The following RPS6KA2 variants were observed in gnomAD, a reference collection of about 807,000 sequenced individuals.
RPS6KA2 encodes ribosomal protein S6 kinase alpha-2.
A neutral mutation model predicts 91.8 loss-of-function variants in RPS6KA2; 42 were observed. The ratio of observed to expected loss-of-function variants is 0.46; its 90% CI spans 0.36 to 0.59. The LOEUF (loss-of-function observed/expected upper bound fraction) is 0.59. RPS6KA2 is among the 20% of genes least tolerant of loss of function. The pLI, the probability that RPS6KA2 is intolerant of heterozygous loss-of-function variation, is 0.00. For synonymous variants in RPS6KA2, 414 were observed against 393.6 expected (o/e 1.05, Z -0.61); for missense variants, 798 against 978.5 (o/e 0.82, Z 2.46).
At chr6:166,645,078 A>G (rs1562360916) in intron 2 of RPS6KA2, among the ~76,000 whole-genome samples, 1 of 152,192 alleles carries the variant, frequency 6.6e-6, no homozygotes, top group Non-Finnish European at 1.5e-5. Flanking sequence ...CTGTGGGAGG[A>G]CAAGTTCCTA....
intron 1 of RPS6KA2, among the ~76,000 whole-genome samples, chr6:166,598,521 G>A (rs1785621636): frequency 1.3e-5 from 2 of 152,324 alleles, no homozygotes; most frequent in South Asian, 4.1e-4. Context: ...AATTCTGGAT[G>A]GAGAAGTTGG....
chr6:166,793,199 T>A (rs1779140246), intron 2 of RPS6KA2, among the ~76,000 whole-genome samples: 1 of 152,064 alleles, frequency 6.6e-6, no homozygotes, highest in South Asian at 2.1e-4. Context: ...AGCAGTCTTA[T>A]ACACCAATAA....
exon 2 of RPS6KA2, chr6:166,858,218 T>A (rs757845231): frequency 2.1e-5 from 32 of 1,541,526 alleles, no homozygotes; most frequent in Non-Finnish European, 2.7e-5. Flanking sequence ...CAGTGTCTTC[T>A]GTGGTGGGCT....
chr6:166,858,885 T>A (rs989332844), intron 1 of RPS6KA2, among the ~76,000 whole-genome samples: 2 of 152,124 alleles, frequency 1.3e-5, no homozygotes, highest in Admixed American at 6.5e-5. Context: ...TGCTTCTGCC[T>A]AGAGATGTGG....
At chr6:166,593,590 T>A (rs1035456204) in intron 1 of RPS6KA2, among the ~76,000 whole-genome samples, 1 of 152,200 alleles carries the variant, frequency 6.6e-6, no homozygotes, top group Non-Finnish European at 1.5e-5. Context: ...ATTTATAGAT[T>A]TGGTTACATT....
chr6:166,842,331 T>C (rs1317217093), intron 2 of RPS6KA2, among the ~76,000 whole-genome samples: 3 of 152,188 alleles, frequency 2.0e-5, no homozygotes, highest in Non-Finnish European at 2.9e-5. Flanking sequence ...TGATCCAATA[T>C]AACTGCGTTC....
intron 2 of RPS6KA2, among the ~76,000 whole-genome samples, chr6:166,773,365 ACTTTT>A (rs757597061): frequency 8.7e-5 from 13 of 149,878 alleles, no homozygotes; most frequent in Admixed American, 2.0e-4. Flanking sequence ...GAAGCAATCC[ACTTTT>A]CTTTTCTTTC....
intron 1 of RPS6KA2, among the ~76,000 whole-genome samples, chr6:166,580,094 G>T (rs1462416640): frequency 6.6e-6 from 1 of 152,184 alleles, no homozygotes; most frequent in Admixed American, 6.5e-5. Flanking sequence ...GTGGGCTTTG[G>T]GCCCCCGGGC....
chr6:166,784,827 A>G (rs887451221), intron 2 of RPS6KA2, among the ~76,000 whole-genome samples: 17 of 152,192 alleles, frequency 1.1e-4, no homozygotes, highest in African/African-American at 3.9e-4. Flanking sequence ...AGGACAGAGG[A>G]AGCATTCTAC....
intron 2 of RPS6KA2, among the ~76,000 whole-genome samples, chr6:166,649,756 G>A (rs77178838): frequency 0.11 from 17,180 of 152,116 alleles, 1,055 homozygotes; most frequent in South Asian, 0.17. Flanking sequence ...GACCCCGGGG[G>A]GTTTTCGTTC....
rs192317973 is a variant in RPS6KA2, at chr6:166,508,364, G to A, written c.380-82C>T. On this transcript the variant is annotated intron_variant, in intron 4 of 20. Transcript: ENST00000265678. The surrounding 1 kb of genome is among the most constrained non-coding windows in gnomAD (Gnocchi z 4.3). ...CGCTCTCTGGCTTCTCCCTGCTCAC[G>A]GTGCTGCTTACTCCGGGAGGCTGAG... 27 of 915,970 alleles carry A rather than the reference G, an allele frequency of 2.9e-5. No individual in the cohort carries two copies. The highest frequency in any genetic ancestry group is 4.3e-4 in the Middle Eastern group (2 of 4,646). The allele number at this position is 915,970 out of a possible 1,614,324, so 56.7% of individuals were successfully genotyped here. A position where few individuals can be genotyped will look rare whatever the true frequency, so the allele number is the denominator to read the frequency against.
intron 2 of RPS6KA2, among the ~76,000 whole-genome samples, chr6:166,824,807 A>G (rs56049100): frequency 0.74 from 100,337 of 135,680 alleles, 36,623 homozygotes; most frequent in East Asian, 0.96. Context: ...CTGTGTGTCT[A>G]TGTGTGTCTG....
intron 2 of RPS6KA2, among the ~76,000 whole-genome samples, chr6:166,857,445 T>G (rs531319709): frequency 3.0e-4 from 46 of 152,306 alleles, no homozygotes; most frequent in African/African-American, 1.1e-3. Context: ...GCCTTCCAAT[T>G]TACCTCTTTG....
intron 3 of RPS6KA2, among the ~76,000 whole-genome samples, chr6:166,529,224 T>C (rs990551048): frequency 5.3e-5 from 8 of 152,322 alleles, no homozygotes; most frequent in East Asian, 1.9e-4. Flanking sequence ...ATATACACCA[T>C]GGAATACTAT....
chr6:166,810,463 T>C (rs1375959601), intron 2 of RPS6KA2, among the ~76,000 whole-genome samples: 1 of 152,090 alleles, frequency 6.6e-6, no homozygotes, highest in Non-Finnish European at 1.5e-5. Context: ...CATAGAGAGA[T>C]GCATTAAAGA....
chr6:166,451,419 C>G (rs1779915011), intron 12 of RPS6KA2, among the ~76,000 whole-genome samples, 186 bp from the exon 13 acceptor site: 1 of 150,680 alleles, frequency 6.6e-6, no homozygotes, highest in Non-Finnish European at 1.5e-5. Context: ...AATGCTGAAC[C>G]AGATGAAACT....
chr6:166,616,180 C>T (rs547859353), intron 1 of RPS6KA2, among the ~76,000 whole-genome samples: 12 of 152,286 alleles, frequency 7.9e-5, no homozygotes, highest in Non-Finnish European at 1.2e-4. Flanking sequence ...TCATTTATTA[C>T]GGGTCAGACC....
chr6:166,800,819 T>A (rs1779348482), intron 2 of RPS6KA2, among the ~76,000 whole-genome samples: 1 of 152,250 alleles, frequency 6.6e-6, no homozygotes, highest in Non-Finnish European at 1.5e-5. Flanking sequence ...GGAAGATACC[T>A]GATTTCATGG....
At chr6:166,580,280 C>T (rs893373033) in intron 1 of RPS6KA2, among the ~76,000 whole-genome samples, 2 of 152,222 alleles carry the variant, frequency 1.3e-5, no homozygotes, top group African/African-American at 4.8e-5. Flanking sequence ...GAACAGGTGT[C>T]CACTAAGCCT....
Sources: allele counts gnomAD v4.1 joint callset (sites outside exome capture counted in the v4.1 genomes callset), GRCh38; gene constraint gnomAD v4.1.1; non-coding constraint Gnocchi (gnomAD v3.1); transcripts MANE v1.5; gene names NCBI Gene and HGNC (gene_info 2026-07-23, HGNC 2026-07-21).